GRK2: variants seen among roughly 807,000 people sequenced by gnomAD.
GRK2 encodes G protein-coupled receptor kinase 2.
Under a neutral mutation model 97.8 loss-of-function variants are expected in GRK2, and 23 were observed. The ratio of observed to expected loss-of-function variants is 0.24; its 90% CI spans 0.17 to 0.33. GRK2 has a LOEUF of 0.33. GRK2 is among the 10% of genes least tolerant of loss of function. The pLI is 1.00. For synonymous variants in GRK2, 425 were observed against 381.7 expected (o/e 1.11, Z -1.32); for missense variants, 633 against 956.9 (o/e 0.66, Z 4.47).
At chr11:67,272,192 G>T (rs571070637) in intron 1 of GRK2, among the ~76,000 whole-genome samples, 1 of 152,338 alleles carries the variant, frequency 6.6e-6, no homozygotes, top group South Asian at 2.1e-4. Flanking sequence ...GGTCAGGGAC[G>T]GGAGGGCAGC....
rs765769517 is a variant in GRK2, at chr11:67,284,831, C to CT, written c.1655-15dup. 1 of 1,610,954 alleles carries CT rather than the reference C, an allele frequency of 6.2e-7. No homozygotes were observed. On this transcript the variant is annotated splice_polypyrimidine_tract_variant and intron_variant, in intron 18 of 20. Transcript: ENST00000308595. Reference sequence around the variant, plus strand: ...CCAGGTGGGGCCGGCTGAGTCTCCTCTGTCTCTCGCCTCAGACTACGCCCT... The same window carrying CT: ...CCAGGTGGGGCCGGCTGAGTCTCCTCTTGTCTCTCGCCTCAGACTACGCCCT...
chr11:67,274,607 C>T (rs751850713), intron 1 of GRK2, among the ~76,000 whole-genome samples: 7 of 147,474 alleles, frequency 4.7e-5, no homozygotes, highest in Non-Finnish European at 1.0e-4. Flanking sequence ...GGGGTTTTCT[C>T]CACGTTCCAG....
rs997875501 is a variant in GRK2, at chr11:67,269,247, C to T, written c.113+2435C>T. On this transcript the variant is annotated intron_variant, in intron 1 of 20. Transcript: ENST00000308595. This position sits in a 1 kb window ranked among gnomAD's most constrained non-coding sequence, Gnocchi z 4.1. Reference sequence around the variant, plus strand: ...TTCATGTTTGCCTGACACTTTTCCACTTGCAGAGTGCTTTTTACTCTGTTT... The same window carrying T: ...TTCATGTTTGCCTGACACTTTTCCATTTGCAGAGTGCTTTTTACTCTGTTT... 3.3e-5 allele frequency among the ~76,000 whole-genome samples: 5 copies of T among 152,062 alleles called. No individual in the cohort carries two copies. The highest frequency in any genetic ancestry group is 1.3e-4 in the Admixed American group (2 of 15,266).
At position 67,284,453 on chromosome 11, in the gene GRK2, C is replaced by T. The variant is rs1483464214; in HGVS notation, c.1654+80C>T. 4 of 1,495,980 alleles carry T rather than the reference C, an allele frequency of 2.7e-6. No homozygotes were observed. In the East Asian group the frequency reaches 7.1e-5, roughly 27 times the overall value. 92.7% of individuals were successfully genotyped at this position (1,495,980 alleles called of 1,614,324 possible). On this transcript the variant is annotated intron_variant, in intron 18 of 20. Coordinates refer to ENST00000308595, the MANE Select transcript of GRK2 (RefSeq NM_001619.5). Reference sequence around the variant, plus strand: ...GCTGGCTCGGGTTTAAGGAACTCACCCTGGATCACAGCCAGAAAGTGGCGG... The same window carrying T: ...GCTGGCTCGGGTTTAAGGAACTCACTCTGGATCACAGCCAGAAAGTGGCGG...
chr11:67,266,823 G>A lies in GRK2; in HGVS notation c.113+11G>A. The A allele has an allele frequency of 8.0e-7, 1 of 1,242,388 alleles. No homozygotes were observed. The highest frequency in any genetic ancestry group is 1.0e-6 in the Non-Finnish European group (1 of 977,710). 77.0% of individuals were successfully genotyped at this position (1,242,388 alleles called of 1,614,324 possible). On this transcript the variant is annotated intron_variant, in intron 1 of 20. Transcript: ENST00000308595. ...GCTGCCCGAGCCCAGGTGAGGAGAAGCTGCCCGCGGCCCCGGCCCGACCCC... is the reference window on the plus strand; with the variant it reads ...GCTGCCCGAGCCCAGGTGAGGAGAAACTGCCCGCGGCCCCGGCCCGACCCC...
In GRK2 at chr11:67,281,047, T is replaced by TG; in HGVS notation, c.556-43dup. 1 of 1,531,142 alleles carries TG rather than the reference T, an allele frequency of 6.5e-7. No homozygotes were observed. Among genetic ancestry groups the TG allele is most frequent in the Non-Finnish European group, 9.0e-7 (1 of 1,116,870 alleles). The allele number at this position is 1,531,142 out of a possible 1,614,324, so 94.8% of individuals were successfully genotyped here. On this transcript the variant is annotated intron_variant, in intron 7 of 20. Transcript: ENST00000308595. The surrounding 1 kb of genome is among the most constrained non-coding windows in gnomAD (Gnocchi z 5.7). ...TGCCCAGGTGCCTCTGCCCCAGGGC[T>TG]GGGCAGAGGCAGCCTGTGGTGACCG...
In GRK2 at chr11:67,279,443, C is replaced by T. The variant is rs200019576; in HGVS notation, c.290C>T (p.Thr97Met). ...EEIKKYEKLE[T>M]EEERVARSRE... ...ATCAAGAAGTACGAGAAGCTGGAGA[C>T]GGAGGAGGAGCGTGTGGCCCGCAGC... is the stretch of plus-strand genomic sequence containing the variant. The change falls in exon 4 of 21, where the codon ACG (threonine) becomes ATG (methionine). Residue 97 changes from threonine to methionine, a missense_variant. Thr to Met is a moderately conservative substitution (Grantham distance 81). Around this residue, in one of 4 missense-constraint regions of GRK2, gnomAD observed 193 missense variants for 212.2 expected, o/e 0.91. Coordinates refer to ENST00000308595, the MANE Select transcript of GRK2 (RefSeq NM_001619.5). 101 of 1,613,288 alleles carry T rather than the reference C, an allele frequency of 6.3e-5. No individual in the cohort carries two copies. Among genetic ancestry groups the T allele is most frequent in the Non-Finnish European group, 7.5e-5 (89 of 1,180,024 alleles).
Position 67,282,456 on chromosome 11 carries a change from T to G in GRK2, c.1074T>G (p.Ala358=), listed in dbSNP as rs1477055765. The change falls in exon 13 of 21, where the codon GCT becomes GCG. Residue 358 remains alanine, a synonymous_variant. Coordinates refer to ENST00000308595, the MANE Select transcript of GRK2 (RefSeq NM_001619.5). The surrounding 1 kb of genome is among the most constrained non-coding windows in gnomAD (Gnocchi z 6.9). ...ACAGGGGCACCCACGGGTACATGGC[T>G]CCGGAGGTCCTGCAGAAGGGCGTGG... is the stretch of plus-strand genomic sequence containing the variant. The part of the protein sequence containing the change: ...HASVGTHGYM[A]PEVLQKGVAY... The G allele has an allele frequency of 1.9e-6, 3 of 1,612,558 alleles. No homozygotes were observed. The highest frequency in any genetic ancestry group is 2.5e-6 in the Non-Finnish European group (3 of 1,179,632).
chr11:67,278,821 G>T (rs974739064), intron 2 of GRK2, among the ~76,000 whole-genome samples: 2 of 152,158 alleles, frequency 1.3e-5, no homozygotes, highest in Admixed American at 6.5e-5. Context: ...GCCCCGGTGG[G>T]GGGTATCGGC....
chr11:67,267,087 C>G (rs991024234), intron 1 of GRK2, among the ~76,000 whole-genome samples: 1 of 152,130 alleles, frequency 6.6e-6, no homozygotes, highest in African/African-American at 2.4e-5. Context: ...CCTGGCCGCC[C>G]TGCTGCTTCC....
At chr11:67,279,749 CT>C (rs776746158) in intron 5 of GRK2, 49 bp downstream of exon 5, 1 of 1,613,118 alleles carries the variant, frequency 6.2e-7, no homozygotes, top group Admixed American at 1.7e-5. Context: ...TGGACAGCCC[CT>C]GGTCAACAAG....
In GRK2 at chr11:67,283,169, C is replaced by G. The variant is rs1590854909; in HGVS notation, c.1269C>G (p.Ser423=). 1.9e-6 allele frequency: 3 copies of G among 1,614,026 alleles called. No individual in the cohort carries two copies. Among genetic ancestry groups the G allele is most frequent in the African/African-American group, 2.7e-5 (2 of 75,060 alleles). ...LPDSFSPELR[S]LLEGLLQRDV... is the part of the protein sequence containing the mutation. ...ACTCCTTCTCCCCTGAACTACGCTC[C>G]CTGCTGGAGGGGTTGCTGCAGAGGG... The change falls in exon 15 of 21, where the codon TCC becomes TCG. Residue 423 remains serine, a synonymous_variant. Coordinates refer to ENST00000308595, the MANE Select transcript of GRK2 (RefSeq NM_001619.5).
chr11:67,277,645 G>C (rs559034862), intron 2 of GRK2, among the ~76,000 whole-genome samples: 2 of 152,326 alleles, frequency 1.3e-5, no homozygotes, highest in East Asian at 3.9e-4. Flanking sequence ...CCCTTGGCGC[G>C]GCCGCAGCTG....
At chr11:67,273,513 A>G (rs1354453323) in intron 1 of GRK2, among the ~76,000 whole-genome samples, 1 of 151,878 alleles carries the variant, frequency 6.6e-6, no homozygotes, top group Non-Finnish European at 1.5e-5. Context: ...CCACCCTGGC[A>G]GGAGCTGCCC....
intron 7 of GRK2, 116 bp downstream of exon 7, chr11:67,280,899 CCAGGGCCGTGGCTATGGGGGT>C: frequency 7.5e-7 from 1 of 1,325,342 alleles, no homozygotes. Flanking sequence ...CCTTTAGCCC[CCAGGGCCGTGGCTATGGGGGT>C]CAGGGCCGGG....
intron 1 of GRK2, among the ~76,000 whole-genome samples, chr11:67,275,701 T>G (rs764054605): frequency 1.4e-4 from 21 of 152,212 alleles, no homozygotes; most frequent in Non-Finnish European, 2.4e-4. Context: ...TGCTCATCCC[T>G]GGACATACTG....
At chr11:67,272,949 G>A (rs1001818530) in intron 1 of GRK2, among the ~76,000 whole-genome samples, 1 of 152,260 alleles carries the variant, frequency 6.6e-6, no homozygotes, top group African/African-American at 2.4e-5. Context: ...TGTGATTCTA[G>A]CATGGACTGT....
intron 15 of GRK2, 40 bp from the exon 16 acceptor site, chr11:67,283,667 A>C (rs760556876): frequency 8.7e-6 from 14 of 1,604,704 alleles, no homozygotes; most frequent in Middle Eastern, 2.0e-4. Context: ...CCCGGGACTC[A>C]GGGTGGGGCT....
At position 67,277,263 on chromosome 11, in the gene GRK2, G is replaced by A; in HGVS notation, c.114-9G>A. 1 of 1,613,398 alleles carries A rather than the reference G, an allele frequency of 6.2e-7. No individual in the cohort carries two copies. The highest frequency in any genetic ancestry group is 8.5e-7 in the Non-Finnish European group (1 of 1,179,908). On this transcript the variant is annotated splice_polypyrimidine_tract_variant and intron_variant, in intron 1 of 20. Coordinates refer to ENST00000308595, the MANE Select transcript of GRK2 (RefSeq NM_001619.5). Reference sequence around the variant, plus strand: ...GGGCTTCTGCTTACTGCGCCCCCCTGACCCACAGCATCCGCAGTGTCATGC... The same window carrying A: ...GGGCTTCTGCTTACTGCGCCCCCCTAACCCACAGCATCCGCAGTGTCATGC...
Sources: gnomAD v4.1 joint callset for allele counts (sites outside exome capture counted in the v4.1 genomes callset) on GRCh38, gnomAD v4.1.1 for gene constraint, gnomAD v4.1.1 regional missense constraint, Gnocchi (gnomAD v3.1) non-coding constraint, MANE v1.5 for transcripts, NCBI Gene and HGNC (gene_info 2026-07-23, HGNC 2026-07-21) for gene names.